The following NR6A1 variants were observed in gnomAD, a reference collection of about 807,000 sequenced individuals.
The protein encoded by NR6A1 is nuclear receptor subfamily 6 group A member 1.
A neutral mutation model predicts 59.1 loss-of-function variants in NR6A1; 7 were observed. The ratio of observed to expected loss-of-function variants is 0.12; its 90% CI spans 0.07 to 0.22. The LOEUF is 0.22. Among genes scored for constraint, NR6A1 ranks in the 10% least tolerant of loss-of-function variants. The probability of loss-of-function intolerance (pLI) is 1.00; values close to 1 mark genes in which losing one functional copy is unlikely to be tolerated. For missense variants in NR6A1, 468 were observed against 611.6 expected (o/e 0.77, Z 2.48); for synonymous variants, 243 against 236.1 (o/e 1.03, Z -0.27).
chr9:124,742,320 T>C (rs1353493978), intron 1 of NR6A1, among the ~76,000 whole-genome samples: 2 of 152,146 alleles, frequency 1.3e-5, no homozygotes, highest in African/African-American at 4.8e-5. Flanking sequence ...CCCAGCACTT[T>C]GGAAGGCCGA....
intron 2 of NR6A1, among the ~76,000 whole-genome samples, chr9:124,584,537 T>C (rs1429036467): frequency 6.6e-6 from 1 of 152,224 alleles, no homozygotes; most frequent in African/African-American, 2.4e-5. Context: ...TTGTAATATT[T>C]CAAACTTGTT....
At chr9:124,523,518 A>AT (rs11314511) in intron 9 of NR6A1, among the ~76,000 whole-genome samples, 6,667 of 143,170 alleles carry the variant, frequency 0.047, 209 homozygotes, top group African/African-American at 0.097. Context: ...TCAAACATTG[A>AT]TTTTTTTTTT....
chr9:124,614,535 G>C (rs1239960580), intron 2 of NR6A1, among the ~76,000 whole-genome samples: 1 of 152,170 alleles, frequency 6.6e-6, no homozygotes, highest in African/African-American at 2.4e-5. Context: ...ATCTAAGACA[G>C]GTGGTGATGG....
At chr9:124,706,856 T>C (rs1316149481) in intron 2 of NR6A1, among the ~76,000 whole-genome samples, 2 of 152,170 alleles carry the variant, frequency 1.3e-5, no homozygotes, top group African/African-American at 4.8e-5. Context: ...TGTCATCCCA[T>C]TGCCTTCAGG....
intron 2 of NR6A1, among the ~76,000 whole-genome samples, chr9:124,645,971 G>T (rs1836918619): frequency 6.6e-6 from 1 of 151,796 alleles, no homozygotes; most frequent in Non-Finnish European, 1.5e-5. Context: ...AAAGATATCT[G>T]GAACATCTCA....
At chr9:124,621,721 A>T (rs1052544554) in intron 2 of NR6A1, among the ~76,000 whole-genome samples, 1 of 152,196 alleles carries the variant, frequency 6.6e-6, no homozygotes, top group Non-Finnish European at 1.5e-5. Context: ...CAAATTTTTT[A>T]AAAGTTTAAT....
At chr9:124,729,289 T>C (rs1204354870) in intron 2 of NR6A1, among the ~76,000 whole-genome samples, 2 of 152,250 alleles carry the variant, frequency 1.3e-5, no homozygotes, top group Non-Finnish European at 2.9e-5. Context: ...TGAGAACTTT[T>C]CTGGTATGTT....
rs931633436 is a variant in NR6A1, at chr9:124,520,072, A to G, written c.*2633T>C. The stretch of plus-strand genomic sequence containing the variant: ...AACCAAACATTATGGGGAAGAAAGC[A>G]AAAAACAAACACACCAAACCTCCCC... On this transcript the variant is annotated 3_prime_UTR_variant, in exon 10 of 10. Coordinates refer to ENST00000487099, the MANE Select transcript of NR6A1 (RefSeq NM_033334.4). The G allele has an allele frequency of 6.6e-6, 1 of 152,098 alleles. No individual in the cohort carries two copies. Among genetic ancestry groups the G allele is most frequent in the Non-Finnish European group, 1.5e-5 (1 of 68,034 alleles). 9.4% of individuals were successfully genotyped at this position (152,098 alleles called of 1,614,324 possible). A position where few individuals can be genotyped will look rare whatever the true frequency, so the allele number is the denominator to read the frequency against.
intron 2 of NR6A1, among the ~76,000 whole-genome samples, chr9:124,679,373 G>A (rs969114369): frequency 1.3e-5 from 2 of 152,080 alleles, no homozygotes; most frequent in African/African-American, 2.4e-5. Context: ...ATGTTAAAAC[G>A]ACTAGCAAGC....
At position 124,520,872 on chromosome 9, in the gene NR6A1, A is replaced by G. The variant is rs532888944; in HGVS notation, c.*1833T>C. The G allele has an allele frequency of 6.6e-5, 10 of 152,240 alleles. No individual in the cohort carries two copies. Among genetic ancestry groups the G allele is most frequent in the Non-Finnish European group, 1.5e-4 (10 of 68,026 alleles). 9.4% of individuals were successfully genotyped at this position (152,240 alleles called of 1,614,324 possible). Reference sequence around the variant, plus strand: ...AACATGTCTCTTCCTTCTCAGAGCAACTGGGGAAACGGCATTGAGGAGTAA... The same window carrying G: ...AACATGTCTCTTCCTTCTCAGAGCAGCTGGGGAAACGGCATTGAGGAGTAA... On this transcript the variant is annotated 3_prime_UTR_variant, in exon 10 of 10. Coordinates refer to ENST00000487099, the MANE Select transcript of NR6A1 (RefSeq NM_033334.4).
At chr9:124,655,574 G>A (rs756818109) in intron 2 of NR6A1, among the ~76,000 whole-genome samples, 1 of 152,132 alleles carries the variant, frequency 6.6e-6, no homozygotes, top group Non-Finnish European at 1.5e-5. Context: ...ACTGGCCATC[G>A]TCCCAGCCCA....
intron 2 of NR6A1, among the ~76,000 whole-genome samples, chr9:124,596,719 G>C (rs1835282396): frequency 6.6e-6 from 1 of 152,304 alleles, no homozygotes; most frequent in South Asian, 2.1e-4. Flanking sequence ...ACGCAGCAGA[G>C]TGTATAACAC....
intron 2 of NR6A1, among the ~76,000 whole-genome samples, chr9:124,696,245 T>C (rs139307513): frequency 1.6e-4 from 24 of 152,190 alleles, no homozygotes; most frequent in African/African-American, 5.8e-4. Flanking sequence ...GAAGAGTCAC[T>C]AAGCAGATGA....
intron 2 of NR6A1, among the ~76,000 whole-genome samples, chr9:124,663,828 T>C (rs950631533): frequency 2.6e-5 from 4 of 152,202 alleles, no homozygotes; most frequent in Non-Finnish European, 5.9e-5. Flanking sequence ...ACAGAAAAAG[T>C]ATTATTTGAA....
At chr9:124,705,784 T>C (rs545077076) in intron 2 of NR6A1, among the ~76,000 whole-genome samples, 1,453 of 54,948 alleles carry the variant, frequency 0.026, 7 homozygotes, top group Non-Finnish European at 0.057. Context: ...AATCCCCCCT[T>C]TTTTTTTTTT....
chr9:124,720,699 C>T (rs1839538205), intron 2 of NR6A1, among the ~76,000 whole-genome samples: 2 of 152,074 alleles, frequency 1.3e-5, no homozygotes, highest in South Asian at 4.1e-4. Flanking sequence ...TCCCGGTTGA[C>T]CAAAGAGTAC....
At chr9:124,556,697 G>C (rs971936817) in intron 2 of NR6A1, among the ~76,000 whole-genome samples, 1 of 151,984 alleles carries the variant, frequency 6.6e-6, no homozygotes, top group Non-Finnish European at 1.5e-5. Context: ...CTGACCTCAA[G>C]TGATCTGCAC....
intron 4 of NR6A1, 125 bp from the exon 5 acceptor site, chr9:124,540,312 A>C: frequency 9.7e-7 from 1 of 1,031,026 alleles, no homozygotes; most frequent in Non-Finnish European, 1.4e-6. Flanking sequence ...CTCCATCCCC[A>C]TATTCCGGGC....
chr9:124,573,740 A>T (rs1834513980), intron 2 of NR6A1, among the ~76,000 whole-genome samples: 1 of 152,250 alleles, frequency 6.6e-6, no homozygotes, highest in Admixed American at 6.5e-5. Flanking sequence ...TAAGTAAACT[A>T]ACATACATAT....
Sources: allele counts gnomAD v4.1 joint callset (sites outside exome capture counted in the v4.1 genomes callset), GRCh38; gene constraint gnomAD v4.1.1; transcripts MANE v1.5; gene names NCBI Gene and HGNC (gene_info 2026-07-23, HGNC 2026-07-21).